Variants in MTDH observed in about 807,000 individuals in gnomAD.
MTDH encodes the protein protein LYRIC.
A neutral mutation model predicts 72.7 loss-of-function variants in MTDH; 34 were observed. The observed-to-expected ratio is 0.47, with a 90% CI of 0.36 to 0.62. The LOEUF (loss-of-function observed/expected upper bound fraction) is 0.62, where lower values mean the gene tolerates loss of function less well. Among genes scored for constraint, MTDH ranks in the 20% least tolerant of loss-of-function variants. The pLI, the probability that MTDH is intolerant of heterozygous loss-of-function variation, is 0.00. For missense variants in MTDH, 677 were observed against 699.4 expected (o/e 0.97, Z 0.36); for synonymous variants, 266 against 268.9 (o/e 0.99, Z 0.10).
intron 3 of MTDH, among the ~76,000 whole-genome samples, chr8:97,687,053 T>C (rs1468364281): frequency 8.5e-5 from 13 of 152,148 alleles, no homozygotes; most frequent in African/African-American, 3.1e-4. Flanking sequence ...TTTTCCCCCG[T>C]GGTTCTTAAA....
chr8:97,719,469 G>A (rs998287724), intron 10 of MTDH, among the ~76,000 whole-genome samples: 2 of 142,070 alleles, frequency 1.4e-5, no homozygotes, highest in Non-Finnish European at 3.0e-5. Context: ...CTCCGGCCTA[G>A]GCAAGAGAGC....
rs1158821175 is a variant in MTDH at position 97,729,889 on chromosome 8, A to G, written c.*5219A>G. Among the ~76,000 whole-genome samples, 1 of 152,202 alleles carries G rather than the reference A, an allele frequency of 6.6e-6. No homozygotes were observed. Among genetic ancestry groups the G allele is most frequent in the East Asian group, 1.9e-4 (1 of 5,198 alleles). On this transcript the variant is annotated 3_prime_UTR_variant, in exon 12 of 12. Transcript: ENST00000336273. ...GAAACTTAGTAGCCTGCCTGCGCAT[A>G]CTGCAAGTACAGACTATATAACAAG...
rs1287433307 is a variant in MTDH at position 97,727,474 on chromosome 8, G to A, written c.*2804G>A. The A allele has an allele frequency of 7.1e-6, 1 of 140,644 alleles. No individual in the cohort carries two copies. The highest frequency in any genetic ancestry group is 2.7e-5 in the African/African-American group (1 of 37,226). The allele number at this position is 140,644 out of a possible 1,614,324, so 8.7% of individuals were successfully genotyped here. On this transcript the variant is annotated 3_prime_UTR_variant, in exon 12 of 12. Coordinates refer to ENST00000336273, the MANE Select transcript of MTDH (RefSeq NM_178812.4). ...AGATCGCACCACTGCACTCCAGCAT[G>A]AAAGAGCGAGACTCAATCTCAAAAA...
chr8:97,721,222 A>C (rs890222473), intron 10 of MTDH, among the ~76,000 whole-genome samples: 1 of 152,006 alleles, frequency 6.6e-6, no homozygotes, highest in Admixed American at 6.6e-5. Flanking sequence ...TGGGTAGATC[A>C]CTTGAGCTCA....
At chr8:97,684,220 T>A (rs1485211724) in intron 2 of MTDH, among the ~76,000 whole-genome samples, 1 of 152,176 alleles carries the variant, frequency 6.6e-6, no homozygotes, top group Admixed American at 6.6e-5. Flanking sequence ...AGACTTACTT[T>A]GTTTTCTTTT....
chr8:97,730,091 GTTAA>G lies in MTDH; in HGVS notation c.*5424_*5427del, dbSNP rs1815501289. Among the ~76,000 whole-genome samples the G allele has an allele frequency of 1.3e-5, 2 of 152,158 alleles. No homozygotes were observed. Among genetic ancestry groups the G allele is most frequent in the East Asian group, 1.9e-4 (1 of 5,198 alleles). On this transcript the variant is annotated 3_prime_UTR_variant, in exon 12 of 12. Coordinates refer to ENST00000336273, the MANE Select transcript of MTDH (RefSeq NM_178812.4). Reference sequence around the variant, plus strand: ...TTACAGTACTGAAGCTTGTGAATACGTTAATTGAGAAAACTTTAAGCAGGTTCAA... The same window carrying G: ...TTACAGTACTGAAGCTTGTGAATACGTTGAGAAAACTTTAAGCAGGTTCAA...
At chr8:97,699,703 A>G in intron 6 of MTDH, 51 bp from the exon 7 acceptor site, 2 of 1,236,170 alleles carry the variant, frequency 1.6e-6, no homozygotes, top group East Asian at 2.3e-5. Context: ...GTTATGAAAC[A>G]TCATTAGGAA....
chr8:97,711,393 G>A (rs918369782), intron 8 of MTDH, among the ~76,000 whole-genome samples: 11 of 150,672 alleles, frequency 7.3e-5, no homozygotes, highest in African/African-American at 2.4e-4. Context: ...AGGTGGCTAA[G>A]GCAAGAGGAT....
In MTDH at chr8:97,729,044, A is replaced by G. The variant is rs552887001; in HGVS notation, c.*4374A>G. 6.1e-4 allele frequency among the ~76,000 whole-genome samples: 93 copies of G among 151,266 alleles called. No individual in the cohort carries two copies. The highest frequency in any genetic ancestry group is 7.4e-4 in the Non-Finnish European group (50 of 67,848). ...TTCTCCCACTTTAGCCTCAGCCTCC[A>G]GAGTACCTGGGACTACAGGTACACA... On this transcript the variant is annotated 3_prime_UTR_variant, in exon 12 of 12. Coordinates refer to ENST00000336273, the MANE Select transcript of MTDH (RefSeq NM_178812.4).
chr8:97,685,939 A>G (rs936070933), intron 2 of MTDH, among the ~76,000 whole-genome samples: 8 of 152,214 alleles, frequency 5.3e-5, no homozygotes, highest in African/African-American at 1.9e-4. Flanking sequence ...TTGAAAGGAT[A>G]GAATAATATT....
At chr8:97,723,068 T>G in intron 11 of MTDH, 33 bp downstream of exon 11, 1 of 1,593,360 alleles carries the variant, frequency 6.3e-7, no homozygotes. Flanking sequence ...TCCTTTGTAC[T>G]GTTTACATTT....
At chr8:97,694,114 A>G (rs553318836) in intron 6 of MTDH, among the ~76,000 whole-genome samples, 1 of 152,022 alleles carries the variant, frequency 6.6e-6, no homozygotes, top group African/African-American at 2.4e-5. Flanking sequence ...CTCTAATTTG[A>G]GGGAGCAATA....
intron 7 of MTDH, among the ~76,000 whole-genome samples, chr8:97,701,858 G>C (rs1166018795): frequency 6.6e-6 from 1 of 152,090 alleles, no homozygotes; most frequent in Non-Finnish European, 1.5e-5. Context: ...TTTAAAACAT[G>C]TATCCACAGG....
chr8:97,673,849 C>T (rs750555657), intron 2 of MTDH, among the ~76,000 whole-genome samples: 1 of 151,822 alleles, frequency 6.6e-6, no homozygotes, highest in Admixed American at 6.6e-5. Context: ...GTGGTGCATG[C>T]TTGTATTCCC....
intron 6 of MTDH, among the ~76,000 whole-genome samples, chr8:97,698,580 A>G (rs1813970114): frequency 6.6e-6 from 1 of 152,188 alleles, no homozygotes; most frequent in Non-Finnish European, 1.5e-5. Context: ...GTTTTCTTTA[A>G]ATGCACTTGA....
intron 1 of MTDH, among the ~76,000 whole-genome samples, chr8:97,647,922 C>T (rs1260917307): frequency 1.4e-5 from 2 of 142,706 alleles, no homozygotes; most frequent in Admixed American, 7.2e-5. Flanking sequence ...CCAGCCTGGG[C>T]AACACAGCAA....
chr8:97,681,651 G>A (rs1031015732), intron 2 of MTDH, among the ~76,000 whole-genome samples: 6 of 151,732 alleles, frequency 4.0e-5, no homozygotes, highest in South Asian at 2.1e-4. Context: ...GCACCAGCAC[G>A]CTTGGCTGAT....
chr8:97,670,937 T>TG (rs1354604488), intron 2 of MTDH, among the ~76,000 whole-genome samples: 4 of 145,184 alleles, frequency 2.8e-5, no homozygotes, highest in South Asian at 4.3e-4. Flanking sequence ...TTTTGTTTTT[T>TG]TTGTTGTTGT....
intron 2 of MTDH, among the ~76,000 whole-genome samples, chr8:97,668,713 C>A (rs983472421): frequency 2.0e-5 from 3 of 152,032 alleles, no homozygotes; most frequent in African/African-American, 7.2e-5. Context: ...CACCATGACG[C>A]CTGGCTAATT....
Sources: gnomAD v4.1 joint callset for allele counts (sites outside exome capture counted in the v4.1 genomes callset) on GRCh38, gnomAD v4.1.1 for gene constraint, MANE v1.5 for transcripts, NCBI Gene and HGNC (gene_info 2026-07-23, HGNC 2026-07-21) for gene names.